COL23A1: variants seen among roughly 807,000 people sequenced by gnomAD.
COL23A1 encodes collagen type XXIII alpha 1 chain.
In COL23A1, 97 loss-of-function variants were observed where a neutral mutation model predicts 99.3. That is an observed-to-expected ratio of 0.98 (90% CI 0.83 to 1.16). The LOEUF is 1.16. COL23A1 is among the 50% of genes most tolerant of loss of function. COL23A1 has a pLI of 0.00. For synonymous variants in COL23A1, 320 were observed against 308.2 expected (o/e 1.04, Z -0.40); for missense variants, 762 against 757.4 (o/e 1.01, Z -0.07).
At chr5:178,318,931 A>G (rs968179417) in intron 2 of COL23A1, among the ~76,000 whole-genome samples, 1 of 150,434 alleles carries the variant, frequency 6.6e-6, no homozygotes, top group Non-Finnish European at 1.5e-5. Context: ...AGGGGCTCTC[A>G]AGGGTGGAGG....
chr5:178,388,281 A>C (rs1763779874), intron 2 of COL23A1, among the ~76,000 whole-genome samples: 1 of 151,998 alleles, frequency 6.6e-6, no homozygotes, highest in Admixed American at 6.6e-5. Flanking sequence ...CCAGTTCTCC[A>C]CTCTGCTGAA....
At chr5:178,337,094 G>A (rs182528321) in intron 2 of COL23A1, among the ~76,000 whole-genome samples, 1 of 152,346 alleles carries the variant, frequency 6.6e-6, no homozygotes, top group Middle Eastern at 3.4e-3. Context: ...TGGGAGGGGG[G>A]CCTGCGGAGG....
chr5:178,277,511 C>T (rs1488044249), intron 5 of COL23A1, among the ~76,000 whole-genome samples: 1 of 152,260 alleles, frequency 6.6e-6, no homozygotes, highest in African/African-American at 2.4e-5. Context: ...TCCACCCTTC[C>T]CTGTGGTCTC....
intron 2 of COL23A1, among the ~76,000 whole-genome samples, chr5:178,473,455 C>G (rs1756866142): frequency 7.2e-6 from 1 of 138,144 alleles, no homozygotes; most frequent in Non-Finnish European, 1.5e-5. Context: ...CCACTACATC[C>G]GGCTAATTTT....
rs139705671 is a variant in COL23A1, at chr5:178,261,393, G to A, written c.702+329C>T. Among the ~76,000 whole-genome samples, 14 of 151,938 alleles carry A rather than the reference G, an allele frequency of 9.2e-5. 1 individual carries two copies. The East Asian group carries it at 2.7e-3, about 29-fold the overall frequency. On this transcript the variant is annotated intron_variant, in intron 11 of 28. Transcript: ENST00000390654. ...CGTGCCACTGCATTCCAGCCTAGGCGACAGTGAGACTCTGCCTCAAAAGAA... is the reference window on the plus strand; with the variant it reads ...CGTGCCACTGCATTCCAGCCTAGGCAACAGTGAGACTCTGCCTCAAAAGAA...
intron 2 of COL23A1, among the ~76,000 whole-genome samples, chr5:178,423,916 A>G (rs780372237): frequency 2.0e-5 from 3 of 152,082 alleles, no homozygotes; most frequent in Non-Finnish European, 4.4e-5. Context: ...GTGGCCCCTC[A>G]CCCTAATCCA....
intron 2 of COL23A1, among the ~76,000 whole-genome samples, chr5:178,425,455 AAATAAATAAATAAAAAT>A (rs1355303377): frequency 1.3e-5 from 2 of 150,966 alleles, no homozygotes; most frequent in Non-Finnish European, 2.9e-5. Flanking sequence ...ATAAATAAAT[AAATAAATAAATAAAAAT>A]AAAATAAAGC....
At chr5:178,322,482 C>T (rs549220605) in intron 2 of COL23A1, among the ~76,000 whole-genome samples, 15 of 152,302 alleles carry the variant, frequency 9.8e-5, no homozygotes, top group African/African-American at 3.1e-4. Flanking sequence ...AGAATCCCTA[C>T]CATCCCAAAG....
At chr5:178,357,537 T>G (rs1209092594) in intron 2 of COL23A1, among the ~76,000 whole-genome samples, 1 of 152,210 alleles carries the variant, frequency 6.6e-6, no homozygotes, top group Non-Finnish European at 1.5e-5. Flanking sequence ...AAACATATTT[T>G]GGAATCTGCT....
At chr5:178,321,755 C>T (rs535029709) in intron 2 of COL23A1, among the ~76,000 whole-genome samples, 3 of 152,106 alleles carry the variant, frequency 2.0e-5, no homozygotes, top group South Asian at 2.1e-4. Flanking sequence ...TCCCAAAGTG[C>T]TGGGATTACA....
At chr5:178,345,138 A>G in intron 2 of COL23A1, 1 of 629,094 alleles carries the variant, frequency 1.6e-6, no homozygotes, top group Non-Finnish European at 3.0e-6. Context: ...CTAAAGTTCA[A>G]TCTCTTGGCA....
In COL23A1 at chr5:178,560,663, G is replaced by T; in HGVS notation, c.361+19C>A. The T allele has an allele frequency of 6.2e-7, 1 of 1,608,314 alleles. No individual in the cohort carries two copies. Among genetic ancestry groups the T allele is most frequent in the South Asian group, 1.1e-5 (1 of 89,554 alleles). On this transcript the variant is annotated intron_variant, in intron 2 of 28. Coordinates refer to ENST00000390654, the MANE Select transcript of COL23A1 (RefSeq NM_173465.4). ...GCGGCCGAACGCAGGAGCCAGAAGG[G>T]AGCTCAACCTTCACTTACCTGGGGG...
intron 9 of COL23A1, 46 bp downstream of exon 9, chr5:178,263,162 G>C (rs558818160): frequency 8.0e-6 from 11 of 1,368,688 alleles, no homozygotes; most frequent in Non-Finnish European, 1.0e-5. Context: ...CAGGATTTGG[G>C]GTTTTGGTCA....
chr5:178,375,986 C>T (rs10076768), intron 2 of COL23A1, among the ~76,000 whole-genome samples: 16,383 of 152,118 alleles, frequency 0.11, 1,805 homozygotes, highest in African/African-American at 0.29. Flanking sequence ...GGATTATAGG[C>T]GTGAGCCACC....
intron 27 of COL23A1, among the ~76,000 whole-genome samples, chr5:178,240,800 G>A (rs1764354201): frequency 6.6e-6 from 1 of 152,250 alleles, no homozygotes; most frequent in African/African-American, 2.4e-5. Flanking sequence ...TGGAGGTTGA[G>A]GCCGGCCTGC....
At chr5:178,536,101 C>A (rs1402228891) in intron 2 of COL23A1, among the ~76,000 whole-genome samples, 3 of 152,270 alleles carry the variant, frequency 2.0e-5, no homozygotes, top group Non-Finnish European at 4.4e-5. Context: ...AGGCCACCAG[C>A]AAGGCAGCCA....
At chr5:178,353,629 C>T (rs1036048279) in intron 2 of COL23A1, among the ~76,000 whole-genome samples, 1 of 152,166 alleles carries the variant, frequency 6.6e-6, no homozygotes, top group African/African-American at 2.4e-5. Flanking sequence ...GCAGCTTCTC[C>T]TCTCTTAGGA....
chr5:178,458,171 C>CAT (rs1755903635), intron 2 of COL23A1, among the ~76,000 whole-genome samples: 1 of 2,590 alleles, frequency 3.9e-4, no homozygotes, highest in South Asian at 3.6e-3. Flanking sequence ...ATTGACCTCA[C>CAT]TTCTGGAGGA....
chr5:178,548,155 G>C (rs12520109), intron 2 of COL23A1, among the ~76,000 whole-genome samples: 4,129 of 148,676 alleles, frequency 0.028, 80 homozygotes, highest in Non-Finnish European at 0.044. Context: ...CTGGACTCTG[G>C]GCTAAGGAAG....
Sources: allele counts gnomAD v4.1 joint callset (sites outside exome capture counted in the v4.1 genomes callset), GRCh38; gene constraint gnomAD v4.1.1; transcripts MANE v1.5; gene names NCBI Gene and HGNC (gene_info 2026-07-23, HGNC 2026-07-21).